Variants in LIMS1 observed in about 807,000 individuals in gnomAD.
LIMS1 encodes LIM zinc finger domain containing 1.
In LIMS1, 18 loss-of-function variants were observed where a neutral mutation model predicts 44.1. That is an observed-to-expected ratio of 0.41 (90% CI 0.28 to 0.61). The LOEUF (loss-of-function observed/expected upper bound fraction) is 0.61, where lower values mean the gene tolerates loss of function less well. Among genes scored for constraint, LIMS1 ranks in the 20% least tolerant of loss-of-function variants. LIMS1 has a pLI of 0.32. For missense variants in LIMS1, 201 were observed against 422.0 expected (o/e 0.48, Z 4.59); for synonymous variants, 93 against 149.1 (o/e 0.62, Z 2.74).
intron 1 of LIMS1, among the ~76,000 whole-genome samples, chr2:108,550,222 G>A (rs994972707): frequency 2.0e-5 from 3 of 152,050 alleles, no homozygotes; most frequent in Admixed American, 6.6e-5. Flanking sequence ...CTGGCTGGGC[G>A]CGGTGGCTCA....
At chr2:108,626,987 T>A (rs1688611822) in intron 1 of LIMS1, among the ~76,000 whole-genome samples, 1 of 152,240 alleles carries the variant, frequency 6.6e-6, no homozygotes, top group Non-Finnish European at 1.5e-5. Flanking sequence ...CCTATGCAGA[T>A]GTACCATTTT....
intron 1 of LIMS1, among the ~76,000 whole-genome samples, chr2:108,624,554 C>G (rs773248571): frequency 1.3e-5 from 2 of 151,676 alleles, no homozygotes; most frequent in South Asian, 4.2e-4. Context: ...GTCAGAAGTT[C>G]AAGACCAGTC....
chr2:108,534,569 G>A (rs1684049430), exon 1 of LIMS1: 3 of 1,194,626 alleles, frequency 2.5e-6, no homozygotes, highest in African/African-American at 1.6e-5. Context: ...AGAGATGCTG[G>A]GCGTGGCGGC....
At chr2:108,534,849 G>A (rs1684071700) in intron 1 of LIMS1, among the ~76,000 whole-genome samples, 1 of 152,132 alleles carries the variant, frequency 6.6e-6, no homozygotes, top group South Asian at 2.1e-4. Context: ...TGCTCCGAGA[G>A]TTCCATAAGA....
intron 1 of LIMS1, among the ~76,000 whole-genome samples, chr2:108,650,849 CTTTT>C (rs1690431712): frequency 7.5e-6 from 1 of 134,084 alleles, no homozygotes; most frequent in Admixed American, 8.4e-5. Flanking sequence ...GAGGCTATGA[CTTTT>C]ATTTATTTAT....
intron 8 of LIMS1, 77 bp from the exon 9 acceptor site, chr2:108,680,618 G>A (rs1463762614): frequency 1.2e-6 from 2 of 1,605,124 alleles, no homozygotes; most frequent in African/African-American, 1.3e-5. Context: ...TTCTGTTTTG[G>A]AGTTGAAATT....
chr2:108,574,525 C>T (rs1330369625), intron 1 of LIMS1, among the ~76,000 whole-genome samples: 1 of 152,194 alleles, frequency 6.6e-6, no homozygotes, highest in Non-Finnish European at 1.5e-5. Context: ...CCCACTGCTT[C>T]TGTGCTCTCT....
chr2:108,607,365 T>G, intron 1 of LIMS1: 4 of 1,029,972 alleles, frequency 3.9e-6, no homozygotes, highest in Non-Finnish European at 5.9e-6. Context: ...ATAGTACATG[T>G]GTGCACATAT....
At chr2:108,556,615 C>G (rs1371618842) in intron 1 of LIMS1, among the ~76,000 whole-genome samples, 1 of 152,190 alleles carries the variant, frequency 6.6e-6, no homozygotes, top group Admixed American at 6.5e-5. Context: ...CTCTTTCTCT[C>G]CTTTCCTTCC....
At chr2:108,671,021 A>G (rs1299816054) in intron 3 of LIMS1, 174 bp downstream of exon 3, 1 of 823,530 alleles carries the variant, frequency 1.2e-6, no homozygotes, top group Non-Finnish European at 2.0e-6. Flanking sequence ...AAATACAAAA[A>G]TTAACTGGGC....
chr2:108,568,248 C>T (rs1236794729), intron 1 of LIMS1, among the ~76,000 whole-genome samples: 2 of 152,144 alleles, frequency 1.3e-5, no homozygotes, highest in African/African-American at 2.4e-5. Flanking sequence ...TGAAGATTTC[C>T]TATACTTTAG....
At chr2:108,601,689 G>A (rs571453615) in intron 1 of LIMS1, among the ~76,000 whole-genome samples, 2 of 152,274 alleles carry the variant, frequency 1.3e-5, no homozygotes, top group South Asian at 2.1e-4. Context: ...GCTAATTTTT[G>A]TATTTTTGGT....
At chr2:108,658,900 T>C in intron 1 of LIMS1, among the ~76,000 whole-genome samples, 1 of 152,312 alleles carries the variant, frequency 6.6e-6, no homozygotes. Flanking sequence ...TTTCTAGTCC[T>C]GCGCCTTCCT....
intron 1 of LIMS1, among the ~76,000 whole-genome samples, chr2:108,609,152 G>A (rs1687446877): frequency 6.6e-6 from 1 of 152,202 alleles, no homozygotes; most frequent in South Asian, 2.1e-4. Context: ...AGGGTTTGAA[G>A]TGTTCTCATT....
At chr2:108,600,670 A>G (rs571924125) in intron 1 of LIMS1, among the ~76,000 whole-genome samples, 1 of 152,222 alleles carries the variant, frequency 6.6e-6, no homozygotes, top group East Asian at 1.9e-4. Context: ...ATGGAAAATG[A>G]CTTCACTGTA....
rs74315160 is a variant in LIMS1, at chr2:108,637,099, ATGTGTGTGTGTG to A, written c.33-22470_33-22459del. On this transcript the variant is annotated intron_variant, in intron 1 of 9. Transcript: ENST00000544547. Reference sequence around the variant, plus strand: ...TTTAAATTCAGCAAAATATACATATATGTGTGTGTGTGTGTGTGTGTGTGTGTGTGTGTGTGT... The same window carrying A: ...TTTAAATTCAGCAAAATATACATATATGTGTGTGTGTGTGTGTGTGTGTGT... Among the ~76,000 whole-genome samples the A allele has an allele frequency of 1.3e-3, 125 of 98,606 alleles. 1 individual carries two copies. Among genetic ancestry groups the A allele is most frequent in the South Asian group, 8.7e-3 (27 of 3,098 alleles). 64.7% of individuals were successfully genotyped at this position (98,606 alleles called of 152,430 possible).
intron 1 of LIMS1, among the ~76,000 whole-genome samples, chr2:108,547,029 T>C (rs558113583): frequency 3.3e-5 from 5 of 152,358 alleles, no homozygotes; most frequent in African/African-American, 1.2e-4. Flanking sequence ...GAAGAAGGGT[T>C]GATGGAGTTC....
chr2:108,606,618 A>G (rs189576466), intron 1 of LIMS1, among the ~76,000 whole-genome samples: 7 of 152,388 alleles, frequency 4.6e-5, no homozygotes, highest in Non-Finnish European at 1.5e-5. Flanking sequence ...TGAAGAGCTC[A>G]CATTTCAGTG....
chr2:108,534,476 C>T, exon 1 of LIMS1: 2 of 1,066,646 alleles, frequency 1.9e-6, no homozygotes, highest in Non-Finnish European at 2.3e-6. Flanking sequence ...CGCCAGTAGC[C>T]GGCCGCGGCG....
Sources: gnomAD v4.1 joint callset for allele counts (sites outside exome capture counted in the v4.1 genomes callset) on GRCh38, gnomAD v4.1.1 for gene constraint, MANE v1.5 for transcripts, NCBI Gene and HGNC (gene_info 2026-07-23, HGNC 2026-07-21) for gene names.